CCDC141: variants seen among roughly 807,000 people sequenced by gnomAD.
The protein encoded by CCDC141 is coiled-coil domain containing 141, also known as coiled-coil domain-containing protein 141.
In CCDC141, 168 loss-of-function variants were observed where a neutral mutation model predicts 181.0. The observed-to-expected ratio is 0.93, with a 90% CI of 0.82 to 1.05. The LOEUF is 1.05. Among genes scored for constraint, CCDC141 ranks in the 50% least tolerant of loss-of-function variants. The pLI is 0.00. For synonymous variants in CCDC141, 666 were observed against 642.3 expected, an observed-to-expected ratio of 1.04 and a Z score of -0.56; for missense variants, 1,902 against 1,788.5, an observed-to-expected ratio of 1.06 and a Z score of -1.14.
intron 11 of CCDC141, among the ~76,000 whole-genome samples, chr2:178,882,623 A>G (rs1686678324): frequency 2.6e-5 from 4 of 151,982 alleles, no homozygotes; most frequent in Admixed American, 2.6e-4. Flanking sequence ...ACATTGGATG[A>G]GATTTAGGGA....
At chr2:178,942,037 T>C (rs1689546141) in intron 6 of CCDC141, among the ~76,000 whole-genome samples, 1 of 142,296 alleles carries the variant, frequency 7.0e-6, no homozygotes, top group African/African-American at 2.7e-5. Context: ...AGGGATGCTG[T>C]AGAGAAATAG....
chr2:178,934,280 G>C (rs1689204594), intron 6 of CCDC141, among the ~76,000 whole-genome samples: 1 of 152,080 alleles, frequency 6.6e-6, no homozygotes, highest in South Asian at 2.1e-4. Context: ...TGATGTGTAA[G>C]AGAAGGACTG....
intron 6 of CCDC141, chr2:178,926,711 G>A (rs1688920212): frequency 6.6e-6 from 1 of 152,152 alleles, no homozygotes; most frequent in South Asian, 2.1e-4. Flanking sequence ...TGGATATAAA[G>A]AACAAGTTCT....
intron 2 of CCDC141, among the ~76,000 whole-genome samples, chr2:179,020,302 T>C (rs1406953898): frequency 6.6e-6 from 1 of 152,114 alleles, no homozygotes; most frequent in Non-Finnish European, 1.5e-5. Context: ...CACACTCCTA[T>C]CCAGTGTGCC....
At chr2:178,915,019 C>T (rs1688379812) in intron 7 of CCDC141, among the ~76,000 whole-genome samples, 1 of 151,824 alleles carries the variant, frequency 6.6e-6, no homozygotes, top group Admixed American at 6.6e-5. Flanking sequence ...CCCATCTCTA[C>T]AAAAAATACA....
chr2:178,862,506 T>G (rs190977600), intron 17 of CCDC141, among the ~76,000 whole-genome samples: 157 of 152,378 alleles, frequency 1.0e-3, no homozygotes, highest in African/African-American at 3.6e-3. Context: ...TGTTTCTGTG[T>G]CATGTAATAT....
In CCDC141 at chr2:179,047,341, A is replaced by G. The variant is rs1370475863; in HGVS notation, c.168T>C (p.Ser56=). The G allele has an allele frequency of 5.2e-6, 8 of 1,543,086 alleles. 1 individual carries two copies. In the Admixed American group the frequency reaches 1.6e-4, roughly 32 times the overall value. The part of the protein sequence containing the change: ...SQPNLLEIGS[S]QDETKKLLHD... Reference sequence around the variant, plus strand: ...GAAGAAGTTTTTTGGTTTCATCTTGACTGCTGCCAATTTCTAGAAGATTGG... The same window carrying G: ...GAAGAAGTTTTTTGGTTTCATCTTGGCTGCTGCCAATTTCTAGAAGATTGG... The change falls in exon 2 of 24, where the codon AGT becomes AGC. Residue 56 remains serine (S), a synonymous_variant. Coordinates refer to ENST00000443758, the MANE Select transcript of CCDC141 (RefSeq NM_173648.4).
At chr2:178,908,176 T>C (rs1338531609) in intron 7 of CCDC141, among the ~76,000 whole-genome samples, 1 of 152,184 alleles carries the variant, frequency 6.6e-6, no homozygotes, top group Non-Finnish European at 1.5e-5. Flanking sequence ...AGTTTGTTGT[T>C]AACTGAGGGT....
At chr2:178,854,747 A>C (rs1685311093) in intron 19 of CCDC141, among the ~76,000 whole-genome samples, 1 of 152,206 alleles carries the variant, frequency 6.6e-6, no homozygotes. Flanking sequence ...ATTAGTGGTA[A>C]AGACGTTCTG....
chr2:179,017,484 A>G lies in CCDC141; in HGVS notation c.225+29800T>C, dbSNP rs368559248. Among the ~76,000 whole-genome samples the G allele has an allele frequency of 7.9e-5, 12 of 152,172 alleles. No individual in the cohort carries two copies. The East Asian group carries it at 1.9e-3, about 24-fold the overall frequency. On this transcript the variant is annotated intron_variant, in intron 2 of 23. Transcript: ENST00000443758. ...AAATCATTTCTGTGCCCTTCCTTAA[A>G]TCCTCATTCCCCTGTTTTAAAGAGT...
At chr2:178,962,408 G>A (rs976104098) in intron 4 of CCDC141, among the ~76,000 whole-genome samples, 1 of 152,144 alleles carries the variant, frequency 6.6e-6, no homozygotes, top group African/African-American at 2.4e-5. Context: ...ATCAAGACCT[G>A]TTGATTTTAC....
At chr2:178,858,434 T>C (rs1026674418) in intron 17 of CCDC141, among the ~76,000 whole-genome samples, 2 of 114,408 alleles carry the variant, frequency 1.7e-5, no homozygotes, top group Non-Finnish European at 3.5e-5. Context: ...CAACTACATA[T>C]ATAATAAGTA....
At chr2:178,927,352 T>C (rs150424873) in intron 6 of CCDC141, among the ~76,000 whole-genome samples, 190 of 151,710 alleles carry the variant, frequency 1.3e-3, no homozygotes, top group African/African-American at 4.4e-3. Flanking sequence ...GCAAAACGAG[T>C]GTGTAGCAGA....
At chr2:178,954,470 C>T (rs1032670611) in intron 5 of CCDC141, among the ~76,000 whole-genome samples, 4 of 152,122 alleles carry the variant, frequency 2.6e-5, no homozygotes, top group African/African-American at 7.2e-5. Context: ...ATGTGTTTTT[C>T]GTTTACTGTT....
chr2:178,884,857 G>GC, intron 11 of CCDC141, 44 bp downstream of exon 11: 1 of 1,468,616 alleles, frequency 6.8e-7, no homozygotes, highest in Non-Finnish European at 9.3e-7. Flanking sequence ...AAGGACATGG[G>GC]CAGTGGCCAC....
chr2:178,916,923 C>A (rs1292002572), intron 7 of CCDC141, among the ~76,000 whole-genome samples: 1 of 151,730 alleles, frequency 6.6e-6, no homozygotes, highest in Non-Finnish European at 1.5e-5. Context: ...AAAGTAACCA[C>A]TCTCTTCTTC....
At chr2:178,946,028 C>T (rs1000046366) in intron 5 of CCDC141, among the ~76,000 whole-genome samples, 6 of 152,190 alleles carry the variant, frequency 3.9e-5, no homozygotes, top group African/African-American at 1.4e-4. Context: ...ATTTCTCCAG[C>T]TTTCTGCTAA....
chr2:178,847,441 G>A (rs1684986176), intron 21 of CCDC141, among the ~76,000 whole-genome samples: 1 of 152,132 alleles, frequency 6.6e-6, no homozygotes, highest in African/African-American at 2.4e-5. Flanking sequence ...TGAGGTTGGA[G>A]GATTGCTTGA....
At chr2:179,041,491 GTTTT>G (rs35229059) in intron 2 of CCDC141, among the ~76,000 whole-genome samples, 174 of 58,888 alleles carry the variant, frequency 3.0e-3, no homozygotes, top group African/African-American at 0.012. Flanking sequence ...TTGGTTGTGG[GTTTT>G]TTTTTTTTTT....
Sources: gnomAD v4.1 joint callset for allele counts (sites outside exome capture counted in the v4.1 genomes callset) on GRCh38, gnomAD v4.1.1 for gene constraint, MANE v1.5 for transcripts, NCBI Gene and HGNC (gene_info 2026-07-23, HGNC 2026-07-21) for gene names.